The following DPYSL2 variants were observed in gnomAD, a reference collection of about 807,000 sequenced individuals.
DPYSL2 encodes the protein dihydropyrimidinase like 2, also known as dihydropyrimidinase-related protein 2.
Under a neutral mutation model 69.9 loss-of-function variants are expected in DPYSL2, and 13 were observed. The ratio of observed to expected loss-of-function variants is 0.19; its 90% CI spans 0.12 to 0.30. The LOEUF (loss-of-function observed/expected upper bound fraction) is 0.30. Among genes scored for constraint, DPYSL2 ranks in the 10% least tolerant of loss-of-function variants. The probability of loss-of-function intolerance (pLI) is 1.00; values close to 1 mark genes in which losing one functional copy is unlikely to be tolerated. For missense variants in DPYSL2, 587 were observed against 918.9 expected (o/e 0.64, Z 4.67); for synonymous variants, 326 against 359.1 (o/e 0.91, Z 1.04).
intron 1 of DPYSL2, among the ~76,000 whole-genome samples, chr8:26,528,084 G>C (rs1808510801): frequency 6.6e-6 from 1 of 152,274 alleles, no homozygotes; most frequent in South Asian, 2.1e-4. Context: ...ACAGGCATAA[G>C]CCTCCATGCC....
intron 1 of DPYSL2, among the ~76,000 whole-genome samples, chr8:26,551,717 C>G (rs1800877310): frequency 6.6e-6 from 1 of 152,150 alleles, no homozygotes; most frequent in Admixed American, 6.5e-5. Flanking sequence ...GAATAAAAAT[C>G]ATACAAAGTA....
chr8:26,514,427 C>T lies in DPYSL2; in HGVS notation c.102C>T (p.Phe34=), dbSNP rs1346006181. The change falls in exon 1 of 14, where the codon TTC becomes TTT. Residue 34 remains phenylalanine, a synonymous_variant. Coordinates refer to ENST00000521913, the MANE Select transcript of DPYSL2 (RefSeq NM_001197293.3). The surrounding 1 kb of genome is among the most constrained non-coding windows in gnomAD (Gnocchi z 8.4). ...GCAGCCCCAAGCCCCGGCAGAAATT[C>T]TGTGGCATGTTCTGCCCGGTGGAAG... is the stretch of plus-strand genomic sequence containing the variant. ...GSGSPKPRQK[F]CGMFCPVEGS... is the part of the protein sequence containing the mutation. The T allele has an allele frequency of 2.6e-6, 4 of 1,519,272 alleles. No individual in the cohort carries two copies. Among genetic ancestry groups the T allele is most frequent in the Admixed American group, 2.0e-5 (1 of 48,820 alleles). 94.1% of individuals were successfully genotyped at this position (1,519,272 alleles called of 1,614,324 possible). A position where few individuals can be genotyped will look rare whatever the true frequency, so the allele number is the denominator to read the frequency against.
In DPYSL2 at chr8:26,642,520, C is replaced by T. The variant is rs1242403060; in HGVS notation, c.1127-919C>T. ...GCGGAATGAATGGAGAGGTAGGAAG[C>T]GGGGTTGGGAGAGCAAACGTAAATC... On this transcript the variant is annotated intron_variant, in intron 8 of 13. Coordinates refer to ENST00000521913, the MANE Select transcript of DPYSL2 (RefSeq NM_001197293.3). This position sits in a 1 kb window ranked among gnomAD's most constrained non-coding sequence, Gnocchi z 5.3. Among the ~76,000 whole-genome samples the T allele has an allele frequency of 1.3e-5, 2 of 152,016 alleles. No individual in the cohort carries two copies. Among genetic ancestry groups the T allele is most frequent in the Non-Finnish European group, 2.9e-5 (2 of 67,988 alleles).
chr8:26,589,295 G>A (rs972828248), intron 3 of DPYSL2, among the ~76,000 whole-genome samples: 9 of 152,142 alleles, frequency 5.9e-5, no homozygotes, highest in South Asian at 4.1e-4. Context: ...TGGCCTCTTC[G>A]CAAACGTTGG....
chr8:26,581,673 C>T (rs997114810), intron 1 of DPYSL2, among the ~76,000 whole-genome samples: 8 of 151,960 alleles, frequency 5.3e-5, no homozygotes, highest in African/African-American at 1.9e-4. Context: ...CGTGCCCGGC[C>T]CTATCTTCTT....
At chr8:26,603,246 C>T (rs1392151248) in intron 3 of DPYSL2, among the ~76,000 whole-genome samples, 1 of 152,124 alleles carries the variant, frequency 6.6e-6, no homozygotes, top group Non-Finnish European at 1.5e-5. Flanking sequence ...GATCTTGGCT[C>T]ACTACAACCT....
intron 1 of DPYSL2, among the ~76,000 whole-genome samples, chr8:26,550,488 T>G (rs1261129082): frequency 2.6e-5 from 4 of 152,178 alleles, no homozygotes. Flanking sequence ...AGTTTAGAGA[T>G]AGAGATTGTC....
At chr8:26,557,401 A>T (rs1801005634) in intron 1 of DPYSL2, among the ~76,000 whole-genome samples, 1 of 152,104 alleles carries the variant, frequency 6.6e-6, no homozygotes, top group Non-Finnish European at 1.5e-5. Context: ...CTTAAGAGAC[A>T]CCTCACCAAA....
chr8:26,651,650 A>T (rs1803281665), intron 11 of DPYSL2, among the ~76,000 whole-genome samples: 1 of 152,230 alleles, frequency 6.6e-6, no homozygotes, highest in African/African-American at 2.4e-5. Flanking sequence ...AAGAGGGCAC[A>T]CAGATATGTC....
rs928661179 is a variant in DPYSL2, at chr8:26,517,426, G to A, written c.354+2747G>A. On this transcript the variant is annotated intron_variant, in intron 1 of 13. Transcript: ENST00000521913. This position sits in a 1 kb window ranked among gnomAD's most constrained non-coding sequence, Gnocchi z 4.2. ...AGCTGGCATAGTGGTTGTGAATGAGGAAAGCCTCTATCTTGTTACTCTCTT... is the reference window on the plus strand; with the variant it reads ...AGCTGGCATAGTGGTTGTGAATGAGAAAAGCCTCTATCTTGTTACTCTCTT... Among the ~76,000 whole-genome samples, 6 of 152,200 alleles carry A rather than the reference G, an allele frequency of 3.9e-5. No homozygotes were observed. The highest frequency in any genetic ancestry group is 8.8e-5 in the Non-Finnish European group (6 of 68,048).
In DPYSL2 at chr8:26,593,225, A is replaced by G. The variant is rs1801781427; in HGVS notation, c.628+9242A>G. Reference sequence around the variant, plus strand: ...GTCCAGTTAAGAGAATTTTGCAATGAACTAGGGCAGTGGTTTAAAAACCTT... The same window carrying G: ...GTCCAGTTAAGAGAATTTTGCAATGGACTAGGGCAGTGGTTTAAAAACCTT... On this transcript the variant is annotated intron_variant, in intron 3 of 13. Transcript: ENST00000521913. The surrounding 1 kb of genome is among the most constrained non-coding windows in gnomAD (Gnocchi z 5.7). Among the ~76,000 whole-genome samples, 1 of 152,068 alleles carries G rather than the reference A, an allele frequency of 6.6e-6. No homozygotes were observed. The highest frequency in any genetic ancestry group is 1.5e-5 in the Non-Finnish European group (1 of 68,020).
In DPYSL2 at chr8:26,650,320, A is replaced by G. The variant is rs993587142; in HGVS notation, c.1597-1937A>G. 6.6e-6 allele frequency among the ~76,000 whole-genome samples: 1 copy of G among 151,998 alleles called. No individual in the cohort carries two copies. Among genetic ancestry groups the G allele is most frequent in the African/African-American group, 2.4e-5 (1 of 41,400 alleles). ...TCTCCATGGCCGAGGCTGCGCCCAT[A>G]CTCTACCCAGTAGGGCACAAGAGGA... On this transcript the variant is annotated intron_variant, in intron 11 of 13. Transcript: ENST00000521913. The surrounding 1 kb of genome is among the most constrained non-coding windows in gnomAD (Gnocchi z 5.3).
chr8:26,645,730 A>G lies in DPYSL2; in HGVS notation c.1425+1639A>G, dbSNP rs141642273. Among the ~76,000 whole-genome samples the G allele has an allele frequency of 3.2e-3, 480 of 152,054 alleles. 4 individuals are homozygous for G. Among genetic ancestry groups the G allele is most frequent in the African/African-American group, 0.011 (466 of 41,468 alleles). Reference sequence around the variant, plus strand: ...ACACCCAGCTGATTTTTGTATTTTTAGTAGAGACAGGGTTTCACCATATTG... The same window carrying G: ...ACACCCAGCTGATTTTTGTATTTTTGGTAGAGACAGGGTTTCACCATATTG... On this transcript the variant is annotated intron_variant, in intron 10 of 13. Transcript: ENST00000521913.
chr8:26,615,717 T>C (rs1194706930), intron 3 of DPYSL2, among the ~76,000 whole-genome samples: 1 of 152,162 alleles, frequency 6.6e-6, no homozygotes, highest in African/African-American at 2.4e-5. Context: ...AATACCATCT[T>C]ATTGAACACT....
chr8:26,527,803 C>CT (rs1563375173), intron 1 of DPYSL2, among the ~76,000 whole-genome samples: 37 of 96,708 alleles, frequency 3.8e-4, no homozygotes, highest in Admixed American at 2.7e-3. Flanking sequence ...ATTTGTTTAT[C>CT]CTTTTTTTTT....
At position 26,565,129 on chromosome 8, in the gene DPYSL2, C is replaced by T. The variant is rs1479927856; in HGVS notation, c.355-16840C>T. On this transcript the variant is annotated intron_variant, in intron 1 of 13. Coordinates refer to ENST00000521913, the MANE Select transcript of DPYSL2 (RefSeq NM_001197293.3). This position sits in a 1 kb window ranked among gnomAD's most constrained non-coding sequence, Gnocchi z 4.1. ...CATTCTTTATCATTCTGTTTTATGG[C>T]TGAGTAGTATTCCAAGGTGTATATG... 6.6e-6 allele frequency among the ~76,000 whole-genome samples: 1 copy of T among 152,160 alleles called. No individual in the cohort carries two copies. The highest frequency in any genetic ancestry group is 1.5e-5 in the Non-Finnish European group (1 of 68,034).
At position 26,549,132 on chromosome 8, in the gene DPYSL2, T is replaced by G. The variant is rs557668082; in HGVS notation, c.355-32837T>G. 4.0e-4 allele frequency among the ~76,000 whole-genome samples: 61 copies of G among 152,044 alleles called. 1 individual carries two copies. The highest frequency in any genetic ancestry group is 1.1e-3 in the African/African-American group (47 of 41,462). ...TGAACCCAGGAGGCGGAGGCTGCAG[T>G]GAGCTGAGATCATGCCACTGCACTC... On this transcript the variant is annotated intron_variant, in intron 1 of 13. Transcript: ENST00000521913.
Position 26,578,738 on chromosome 8 carries a change from C to T in DPYSL2, c.355-3231C>T, listed in dbSNP as rs143058027. On this transcript the variant is annotated intron_variant, in intron 1 of 13. Transcript: ENST00000521913. ...GGATCCTCCCCGGGTCTTCCGCCCCCACCCAAAAAGGGCTTTCTGGAGCCT... is the reference window on the plus strand; with the variant it reads ...GGATCCTCCCCGGGTCTTCCGCCCCTACCCAAAAAGGGCTTTCTGGAGCCT... Among the ~76,000 whole-genome samples the T allele has an allele frequency of 2.5e-3, 376 of 152,290 alleles. 1 individual carries two copies. Among genetic ancestry groups the T allele is most frequent in the African/African-American group, 8.9e-3 (369 of 41,562 alleles).
At chr8:26,539,953 A>G (rs768180658) in intron 1 of DPYSL2, among the ~76,000 whole-genome samples, 5 of 152,234 alleles carry the variant, frequency 3.3e-5, no homozygotes, top group Non-Finnish European at 7.3e-5. Flanking sequence ...TAAGAAACAA[A>G]CAAACAAAAA....
Sources: gnomAD v4.1 joint callset for allele counts (sites outside exome capture counted in the v4.1 genomes callset) on GRCh38, gnomAD v4.1.1 for gene constraint, Gnocchi (gnomAD v3.1) non-coding constraint, MANE v1.5 for transcripts, NCBI Gene and HGNC (gene_info 2026-07-23, HGNC 2026-07-21) for gene names.